COG5: variants seen among roughly 807,000 people sequenced by gnomAD.
The protein encoded by COG5 is conserved oligomeric Golgi complex subunit 5.
A neutral mutation model predicts 110.4 loss-of-function variants in COG5; 86 were observed. That is an observed-to-expected ratio of 0.78 (90% CI 0.65 to 0.93). COG5 has a LOEUF of 0.93. Ranked by LOEUF, COG5 falls within the 40% of genes least tolerant of loss-of-function variation. The pLI is 0.00. For synonymous variants in COG5, 360 were observed against 334.6 expected (o/e 1.08, Z -0.83); for missense variants, 1,077 against 987.0 (o/e 1.09, Z -1.22).
At chr7:107,315,286 A>G (rs959183041) in intron 11 of COG5, among the ~76,000 whole-genome samples, 5 of 152,052 alleles carry the variant, frequency 3.3e-5, no homozygotes, top group Non-Finnish European at 7.4e-5. Context: ...AGTATACAGT[A>G]TTTCAAGCCT....
intron 11 of COG5, among the ~76,000 whole-genome samples, chr7:107,298,876 C>A (rs971215576): frequency 2.6e-5 from 4 of 151,954 alleles, no homozygotes; most frequent in African/African-American, 4.8e-5. Context: ...AAATCAGTAA[C>A]AAAAAGATAC....
chr7:107,311,833 A>G (rs2116997535), intron 11 of COG5, among the ~76,000 whole-genome samples: 1 of 151,412 alleles, frequency 6.6e-6, no homozygotes, highest in Middle Eastern at 3.4e-3. Context: ...TTTTTTGCTC[A>G]AGGTTTTTTT....
At chr7:107,538,781 A>G (rs1185839413) in intron 5 of COG5, among the ~76,000 whole-genome samples, 2 of 151,788 alleles carry the variant, frequency 1.3e-5, no homozygotes, top group Admixed American at 1.3e-4. Context: ...CACAAATATT[A>G]TTTATGCAAC....
At chr7:107,221,082 G>T (rs762696684) in intron 19 of COG5, among the ~76,000 whole-genome samples, 20 of 152,048 alleles carry the variant, frequency 1.3e-4, no homozygotes, top group Admixed American at 2.6e-4. Context: ...CTCCCAAAGT[G>T]CTGGAATTAC....
intron 6 of COG5, among the ~76,000 whole-genome samples, chr7:107,478,671 A>G (rs1294890529): frequency 1.3e-5 from 2 of 152,002 alleles, no homozygotes; most frequent in East Asian, 3.9e-4. Context: ...TACATGATAT[A>G]CTATATATAG....
intron 19 of COG5, among the ~76,000 whole-genome samples, chr7:107,222,951 G>A (rs1161534257): frequency 6.6e-6 from 1 of 152,082 alleles, no homozygotes; most frequent in Non-Finnish European, 1.5e-5. Flanking sequence ...TAGCTATGCA[G>A]CTGTCAGTCT....
chr7:107,347,842 G>A (rs537468628), intron 10 of COG5, among the ~76,000 whole-genome samples: 3 of 151,954 alleles, frequency 2.0e-5, no homozygotes, highest in Non-Finnish European at 2.9e-5. Context: ...AAAGGGCATC[G>A]AAGGCCAGGC....
intron 6 of COG5, among the ~76,000 whole-genome samples, chr7:107,504,382 T>C (rs1197208127): frequency 6.6e-6 from 1 of 152,178 alleles, no homozygotes; most frequent in Non-Finnish European, 1.5e-5. Flanking sequence ...TTTGATGTGA[T>C]GTTGGATTTG....
chr7:107,437,802 C>A (rs1794458041), intron 6 of COG5, among the ~76,000 whole-genome samples: 1 of 152,006 alleles, frequency 6.6e-6, no homozygotes, highest in Admixed American at 6.6e-5. Flanking sequence ...ATTACAGTAC[C>A]TGCAAATTTC....
At chr7:107,503,697 C>CT (rs1798781890) in intron 6 of COG5, among the ~76,000 whole-genome samples, 5 of 152,002 alleles carry the variant, frequency 3.3e-5, no homozygotes, top group Admixed American at 3.3e-4. Context: ...TGTAGTTCAC[C>CT]TTGTAGAGAT....
chr7:107,429,713 C>T (rs541864718), intron 6 of COG5, among the ~76,000 whole-genome samples: 11 of 152,166 alleles, frequency 7.2e-5, no homozygotes, highest in East Asian at 1.9e-4. Flanking sequence ...ATTATGGGGA[C>T]GGGTCTTTCC....
intron 10 of COG5, among the ~76,000 whole-genome samples, chr7:107,336,970 A>G (rs1810753578): frequency 6.6e-6 from 1 of 152,130 alleles, no homozygotes; most frequent in Non-Finnish European, 1.5e-5. Context: ...AAATAATCCC[A>G]TTAAAAAGTG....
intron 19 of COG5, among the ~76,000 whole-genome samples, chr7:107,213,878 A>T (rs1056105782): frequency 2.0e-5 from 3 of 152,230 alleles, no homozygotes; most frequent in Admixed American, 6.5e-5. Context: ...CGGAATAGTG[A>T]CACCACCAAA....
chr7:107,462,491 T>C (rs1322243924), intron 6 of COG5, among the ~76,000 whole-genome samples: 1 of 151,498 alleles, frequency 6.6e-6, no homozygotes, highest in Non-Finnish European at 1.5e-5. Flanking sequence ...CTTTCTACCA[T>C]CTTTAATATG....
rs531563536 is a variant in COG5, at chr7:107,226,609, G to A, written c.2168+4006C>T. 1.4e-4 allele frequency among the ~76,000 whole-genome samples: 22 copies of A among 152,332 alleles called. 1 individual carries two copies. The South Asian group carries it at 4.6e-3, about 32-fold the overall frequency. ...CTGCAAAGAAGCTGGCAGGGCCAGGGCTTTCCCAACAATGGTGCGGGGCAG... is the reference window on the plus strand; with the variant it reads ...CTGCAAAGAAGCTGGCAGGGCCAGGACTTTCCCAACAATGGTGCGGGGCAG... On this transcript the variant is annotated intron_variant, in intron 19 of 21. Transcript: ENST00000297135.
chr7:107,504,837 T>A (rs1460650671), intron 6 of COG5, among the ~76,000 whole-genome samples: 2 of 152,180 alleles, frequency 1.3e-5, no homozygotes, highest in African/African-American at 4.8e-5. Flanking sequence ...GTGGCATTGG[T>A]TGTAATGTCT....
chr7:107,258,161 A>C (rs550028602), intron 15 of COG5, 112 bp downstream of exon 15: 1 of 686,164 alleles, frequency 1.5e-6, no homozygotes, highest in East Asian at 2.7e-5. Flanking sequence ...TATAATCATC[A>C]CATTTTCATT....
chr7:107,258,489 C>T (rs559279769), intron 14 of COG5, 106 bp from the exon 15 acceptor site: 796 of 764,818 alleles, frequency 1.0e-3, no homozygotes, highest in Non-Finnish European at 1.5e-3. Flanking sequence ...CATTCTTTAA[C>T]CGGGGAGAAG....
chr7:107,511,855 C>T (rs1458378177), intron 6 of COG5, among the ~76,000 whole-genome samples: 1 of 152,114 alleles, frequency 6.6e-6, no homozygotes, highest in Non-Finnish European at 1.5e-5. Context: ...ACACTTCATG[C>T]TAAAAACTCT....
Sources: gnomAD v4.1 joint callset for allele counts (sites outside exome capture counted in the v4.1 genomes callset) on GRCh38, gnomAD v4.1.1 for gene constraint, MANE v1.5 for transcripts, NCBI Gene and HGNC (gene_info 2026-07-23, HGNC 2026-07-21) for gene names.